Variants in CDKAL1 observed in about 807,000 individuals in gnomAD.
The protein encoded by CDKAL1 is threonylcarbamoyladenosine tRNA methylthiotransferase.
Under a neutral mutation model 68.2 loss-of-function variants are expected in CDKAL1, and 32 were observed. That is an observed-to-expected ratio of 0.47 (90% CI 0.35 to 0.63). CDKAL1 has a LOEUF of 0.63. Among genes scored for constraint, CDKAL1 ranks in the 30% least tolerant of loss-of-function variants. The probability of loss-of-function intolerance (pLI) is 0.00; values close to 1 mark genes in which losing one functional copy is unlikely to be tolerated. For missense variants in CDKAL1, 606 were observed against 696.7 expected (o/e 0.87, Z 1.47); for synonymous variants, 234 against 244.3 (o/e 0.96, Z 0.39).
intron 8 of CDKAL1, among the ~76,000 whole-genome samples, chr6:20,816,963 G>A (rs972869042): frequency 1.3e-5 from 2 of 152,118 alleles, no homozygotes; most frequent in African/African-American, 4.8e-5. Flanking sequence ...CTAAACAGAG[G>A]ATTGTGGAGG....
At chr6:20,637,536 C>T (rs192459126) in intron 4 of CDKAL1, among the ~76,000 whole-genome samples, 2 of 152,258 alleles carry the variant, frequency 1.3e-5, no homozygotes, top group African/African-American at 4.8e-5. Flanking sequence ...GCACTCCAGC[C>T]TGGGCAACAG....
At chr6:20,919,018 T>C (rs1376660077) in intron 9 of CDKAL1, among the ~76,000 whole-genome samples, 1 of 152,240 alleles carries the variant, frequency 6.6e-6, no homozygotes, top group East Asian at 1.9e-4. Context: ...GCGTGCTTAA[T>C]GATGGAAGTG....
At chr6:20,756,431 C>G (rs1253065422) in intron 6 of CDKAL1, among the ~76,000 whole-genome samples, 1 of 152,186 alleles carries the variant, frequency 6.6e-6, no homozygotes, top group Non-Finnish European at 1.5e-5. Flanking sequence ...TCATTTTAGT[C>G]TGTATACTTA....
intron 11 of CDKAL1, among the ~76,000 whole-genome samples, chr6:21,045,561 A>G (rs903071013): frequency 2.0e-5 from 3 of 152,158 alleles, no homozygotes; most frequent in Non-Finnish European, 4.4e-5. Flanking sequence ...ACTTGCATGA[A>G]TATCTCCTTG....
chr6:21,215,113 A>G (rs190188943), intron 15 of CDKAL1, among the ~76,000 whole-genome samples: 8 of 152,246 alleles, frequency 5.3e-5, no homozygotes, highest in Admixed American at 3.9e-4. Context: ...CAGCTCTTCT[A>G]AGCTTGGTGG....
chr6:20,684,244 C>G (rs1420202235), intron 5 of CDKAL1, among the ~76,000 whole-genome samples: 3 of 152,162 alleles, frequency 2.0e-5, no homozygotes, highest in Non-Finnish European at 4.4e-5. Flanking sequence ...GAGTTTGAGA[C>G]CAGCCTGGCC....
At chr6:20,996,334 G>C (rs1401827324) in intron 10 of CDKAL1, among the ~76,000 whole-genome samples, 1 of 152,214 alleles carries the variant, frequency 6.6e-6, no homozygotes, top group Non-Finnish European at 1.5e-5. Context: ...TGGTGCAAGA[G>C]GCCTAGCTTT....
intron 10 of CDKAL1, among the ~76,000 whole-genome samples, chr6:20,991,668 C>G (rs910278391): frequency 7.0e-6 from 1 of 142,088 alleles, no homozygotes; most frequent in African/African-American, 2.7e-5. Context: ...GATTGTGCCA[C>G]TGCACTCCAG....
intron 4 of CDKAL1, among the ~76,000 whole-genome samples, chr6:20,551,720 A>G (rs1467514183): frequency 6.6e-6 from 1 of 152,116 alleles, no homozygotes; most frequent in Non-Finnish European, 1.5e-5. Flanking sequence ...TATTCTTTAG[A>G]TGGCAAAATG....
chr6:20,837,716 C>A (rs1294200685), intron 8 of CDKAL1, among the ~76,000 whole-genome samples: 1 of 150,400 alleles, frequency 6.6e-6, no homozygotes, highest in African/African-American at 2.4e-5. Context: ...ATTTCTAATA[C>A]TAGCATAAAT....
At chr6:21,228,127 C>T (rs1779822803) in intron 15 of CDKAL1, among the ~76,000 whole-genome samples, 1 of 152,100 alleles carries the variant, frequency 6.6e-6, no homozygotes, top group Non-Finnish European at 1.5e-5. Flanking sequence ...GTGGATTTTC[C>T]CTGAAGCTCG....
chr6:20,955,428 G>A lies in CDKAL1; in HGVS notation c.752G>A (p.Cys251Tyr). 8.7e-6 allele frequency: 14 copies of A among 1,614,132 alleles called. No homozygotes were observed. Among genetic ancestry groups the A allele is most frequent in the Non-Finnish European group, 1.2e-5 (14 of 1,179,982 alleles). The change falls in exon 10 of 16, where the codon TGT becomes TAT. Residue 251 changes from cysteine to tyrosine, a missense_variant. Transcript: ENST00000274695. ...RAKQSFQEGV[C>Y]EIWLTSEDTG... ...CTCTTTTGATTCACAGAGGGTGTTT[G>A]TGAGATATGGTTGACCAGTGAAGAC...
chr6:20,875,160 G>A (rs943649213), intron 9 of CDKAL1, among the ~76,000 whole-genome samples: 10 of 151,470 alleles, frequency 6.6e-5, no homozygotes, highest in East Asian at 3.9e-4. Flanking sequence ...TTAGCCGGGC[G>A]CGGTGGCAGG....
intron 9 of CDKAL1, among the ~76,000 whole-genome samples, chr6:20,912,344 A>C (rs529585291): frequency 6.6e-6 from 1 of 152,274 alleles, no homozygotes; most frequent in Admixed American, 6.5e-5. Context: ...TCCTGGGTTA[A>C]GGAGCCAAGA....
chr6:20,944,488 A>AG (rs1764141447), intron 9 of CDKAL1, among the ~76,000 whole-genome samples: 1 of 152,188 alleles, frequency 6.6e-6, no homozygotes, highest in South Asian at 2.1e-4. Flanking sequence ...CTGGGATTAC[A>AG]GGGGTGCACC....
intron 4 of CDKAL1, among the ~76,000 whole-genome samples, chr6:20,590,724 T>C (rs1765556843): frequency 6.6e-6 from 1 of 152,226 alleles, no homozygotes; most frequent in African/African-American, 2.4e-5. Flanking sequence ...CCATGGTGTA[T>C]ATGTGCCACA....
chr6:20,792,231 T>C (rs769209365), intron 8 of CDKAL1, among the ~76,000 whole-genome samples: 3 of 152,224 alleles, frequency 2.0e-5, no homozygotes, highest in Non-Finnish European at 4.4e-5. Flanking sequence ...CAATAGTGCA[T>C]GTAGTTAAGA....
intron 9 of CDKAL1, among the ~76,000 whole-genome samples, chr6:20,886,040 C>T (rs922828661): frequency 6.6e-6 from 1 of 152,152 alleles, no homozygotes; most frequent in African/African-American, 2.4e-5. Context: ...CCATCCCCGT[C>T]CCCCACAAAA....
At chr6:20,766,105 TG>T (rs1774691418) in intron 7 of CDKAL1, among the ~76,000 whole-genome samples, 1 of 152,230 alleles carries the variant, frequency 6.6e-6, no homozygotes, top group Non-Finnish European at 1.5e-5. Flanking sequence ...GGCTTCAGAA[TG>T]GCAGAATGGT....
Sources: allele counts gnomAD v4.1 joint callset (sites outside exome capture counted in the v4.1 genomes callset), GRCh38; gene constraint gnomAD v4.1.1; transcripts MANE v1.5; gene names NCBI Gene and HGNC (gene_info 2026-07-23, HGNC 2026-07-21).